The following ABCA13 variants were observed in gnomAD, a reference collection of about 807,000 sequenced individuals.
The protein encoded by ABCA13 is ATP binding cassette subfamily A member 13.
Under a neutral mutation model 478.7 loss-of-function variants are expected in ABCA13, and 476 were observed. The ratio of observed to expected loss-of-function variants is 0.99; its 90% CI spans 0.92 to 1.07. The LOEUF is 1.07. Among genes scored for constraint, ABCA13 ranks in the 50% least tolerant of loss-of-function variants. The pLI, the probability that ABCA13 is intolerant of heterozygous loss-of-function variation, is 0.00. For synonymous variants in ABCA13, 2,252 were observed against 2,158.9 expected (o/e 1.04, Z -1.20); for missense variants, 6,060 against 5,910.6 (o/e 1.03, Z -0.83).
chr7:48,210,912 G>A (rs912643462), intron 3 of ABCA13, among the ~76,000 whole-genome samples: 2 of 152,116 alleles, frequency 1.3e-5, no homozygotes, highest in African/African-American at 2.4e-5. Flanking sequence ...CTGTTTAAAT[G>A]ATCTGTTCAA....
chr7:48,473,396 C>T (rs1181152707), intron 45 of ABCA13, among the ~76,000 whole-genome samples: 1 of 152,206 alleles, frequency 6.6e-6, no homozygotes, highest in African/African-American at 2.4e-5. Context: ...AACTTGCTGA[C>T]TACACAGGAG....
At chr7:48,298,556 G>A in intron 23 of ABCA13, 69 bp downstream of exon 23, 3 of 1,525,698 alleles carry the variant, frequency 2.0e-6, no homozygotes, top group South Asian at 2.6e-5. Context: ...CACTGGCACT[G>A]TGTTGTCCTT....
At position 48,534,911 on chromosome 7, in the gene ABCA13, C is replaced by T. The variant is rs1256531718; in HGVS notation, c.14354+6566C>T. Among the ~76,000 whole-genome samples the T allele has an allele frequency of 2.6e-5, 4 of 152,024 alleles. No homozygotes were observed. In the East Asian group the frequency reaches 7.7e-4, roughly 29 times the overall value. On this transcript the variant is annotated intron_variant, in intron 55 of 61. Coordinates refer to ENST00000435803, the MANE Select transcript of ABCA13 (RefSeq NM_152701.5). Reference sequence around the variant, plus strand: ...ACACTGGAGATTTTTCCTTCCATGTCCTGTATTATATTTTTGATTTATGTA... The same window carrying T: ...ACACTGGAGATTTTTCCTTCCATGTTCTGTATTATATTTTTGATTTATGTA...
intron 15 of ABCA13, among the ~76,000 whole-genome samples, chr7:48,262,179 T>A (rs982584242): frequency 6.6e-6 from 1 of 151,976 alleles, no homozygotes; most frequent in Non-Finnish European, 1.5e-5. Flanking sequence ...TCCAGTAATG[T>A]TGTTACATCC....
At chr7:48,294,197 A>C (rs1799001971) in intron 20 of ABCA13, among the ~76,000 whole-genome samples, 1 of 152,240 alleles carries the variant, frequency 6.6e-6, no homozygotes, top group African/African-American at 2.4e-5. Flanking sequence ...CTGTCATCTC[A>C]GAGTTATCTT....
intron 7 of ABCA13, among the ~76,000 whole-genome samples, chr7:48,232,197 G>A (rs569173354): frequency 7.9e-5 from 9 of 114,466 alleles, no homozygotes; most frequent in African/African-American, 1.0e-4. Context: ...GCTCATTAAC[G>A]TTTAACTCCA....
chr7:48,272,328 A>T lies in ABCA13; in HGVS notation c.2662A>T (p.Asn888Tyr). ...HSDWPKSPAM[N>Y]IDFVRLSEAI... ...AGATTGGCCTAAATCACCAGCTATG[A>T]ACATAGATTTTGTACGTTTAAGTGA... Residue 888 changes from asparagine to tyrosine, a missense_variant, in exon 17 of 62, where the codon AAC becomes TAC. Coordinates refer to ENST00000435803, the MANE Select transcript of ABCA13 (RefSeq NM_152701.5). 6.2e-7 allele frequency: 1 copy of T among 1,613,726 alleles called. No homozygotes were observed. The highest frequency in any genetic ancestry group is 8.5e-7 in the Non-Finnish European group (1 of 1,179,742).
intron 58 of ABCA13, among the ~76,000 whole-genome samples, chr7:48,600,370 A>G (rs2131474041): frequency 6.6e-6 from 1 of 151,486 alleles, no homozygotes; most frequent in Non-Finnish European, 1.5e-5. Flanking sequence ...TCCCAATCTG[A>G]CAATGTCTGC....
intron 27 of ABCA13, among the ~76,000 whole-genome samples, chr7:48,334,141 T>C (rs979259564): frequency 2.0e-5 from 3 of 152,148 alleles, no homozygotes; most frequent in Admixed American, 6.5e-5. Flanking sequence ...GTGTGTGTAT[T>C]CTCTATTTGC....
At chr7:48,450,325 A>G (rs927988592) in intron 42 of ABCA13, among the ~76,000 whole-genome samples, 7 of 152,206 alleles carry the variant, frequency 4.6e-5, no homozygotes, top group African/African-American at 1.7e-4. Flanking sequence ...AGTCTTTACA[A>G]AGTAATTTAT....
chr7:48,172,797 C>CA lies in ABCA13; in HGVS notation c.69+1283dup, dbSNP rs36196847. Among the ~76,000 whole-genome samples the CA allele has an allele frequency of 3.9e-3, 295 of 75,542 alleles. 54 individuals are homozygous for CA. Among genetic ancestry groups the CA allele is most frequent in the African/African-American group, 0.014 (255 of 18,616 alleles). The allele number at this position is 75,542 out of a possible 152,430, so 49.6% of individuals were successfully genotyped here. On this transcript the variant is annotated intron_variant, in intron 1 of 61. Transcript: ENST00000435803. ...TGGGCGACAGAGCGAGACTCCGTCTCAAAAAAAAAAAAAAAAAAAAAAAAA... is the reference window on the plus strand; with the variant it reads ...TGGGCGACAGAGCGAGACTCCGTCTCAAAAAAAAAAAAAAAAAAAAAAAAAA...
At chr7:48,323,631 C>G (rs1440505203) in intron 27 of ABCA13, among the ~76,000 whole-genome samples, 1 of 152,148 alleles carries the variant, frequency 6.6e-6, no homozygotes, top group Non-Finnish European at 1.5e-5. Context: ...CATTCTATAG[C>G]TAGGAAAACC....
intron 42 of ABCA13, among the ~76,000 whole-genome samples, chr7:48,444,969 C>T (rs1348872330): frequency 6.6e-6 from 1 of 152,114 alleles, no homozygotes; most frequent in African/African-American, 2.4e-5. Context: ...GCATGCTCTA[C>T]ACTGCAGCCA....
intron 5 of ABCA13, 104 bp from the exon 6 acceptor site, chr7:48,227,158 G>A (rs1423619822): frequency 1.1e-5 from 12 of 1,097,018 alleles, no homozygotes; most frequent in Non-Finnish European, 1.6e-5. Context: ...GTTTCTACTA[G>A]GAGAATGTCT....
In ABCA13 at chr7:48,279,020, C is replaced by A. The variant is rs1796668007; in HGVS notation, c.7826C>A (p.Ser2609Ter). 6.2e-7 allele frequency: 1 copy of A among 1,613,304 alleles called. No homozygotes were observed. The highest frequency in any genetic ancestry group is 1.6e-4 in the Middle Eastern group (1 of 6,062). ...ATGATTGGGGTAGAACCTTATATAT[C>A]ATCAAACTCTGATATTTTCAGTATG... ...FEMIGVEPYI[S>*]SNSDIFSMSP... Residue 2609 changes from serine to a stop codon, truncating the protein, a stop_gained, in exon 18 of 62, where the codon TCA (serine) becomes TAA (stop). Coordinates refer to ENST00000435803, the MANE Select transcript of ABCA13 (RefSeq NM_152701.5). LOFTEE classifies it high-confidence loss of function.
intron 42 of ABCA13, among the ~76,000 whole-genome samples, chr7:48,433,591 C>T (rs1002734852): frequency 4.0e-5 from 6 of 151,686 alleles, no homozygotes; most frequent in Non-Finnish European, 8.8e-5. Flanking sequence ...TACGCACATT[C>T]ACATTATTGT....
chr7:48,574,350 T>A (rs1787961724), intron 55 of ABCA13, among the ~76,000 whole-genome samples: 1 of 152,186 alleles, frequency 6.6e-6, no homozygotes, highest in Admixed American at 6.5e-5. Flanking sequence ...CACTGTTCAA[T>A]GGCCCTGACT....
At position 48,273,074 on chromosome 7, in the gene ABCA13, T is replaced by C. The variant is rs768695025; in HGVS notation, c.3408T>C (p.Ser1136=). 2 of 1,613,696 alleles carry C rather than the reference T, an allele frequency of 1.2e-6. No homozygotes were observed. Among genetic ancestry groups the C allele is most frequent in the Non-Finnish European group, 1.7e-6 (2 of 1,179,748 alleles). Residue 1136 remains serine (S), a synonymous_variant, in exon 17 of 62, where the codon AGT becomes AGC. Transcript: ENST00000435803. ...QIFSNLSANV[S]VFNKFMSIHC... ...TTTCAAACCTCTCAGCAAATGTCAGTGTGTTCAACAAGTTTATGTCCATTC... is the reference window on the plus strand; with the variant it reads ...TTTCAAACCTCTCAGCAAATGTCAGCGTGTTCAACAAGTTTATGTCCATTC...
intron 31 of ABCA13, among the ~76,000 whole-genome samples, chr7:48,366,682 A>G (rs1449818471): frequency 6.6e-6 from 1 of 152,116 alleles, no homozygotes; most frequent in Admixed American, 6.6e-5. Flanking sequence ...AGCTATCTCA[A>G]GTACCTGGAA....
Sources: gnomAD v4.1 joint callset for allele counts (sites outside exome capture counted in the v4.1 genomes callset) on GRCh38, gnomAD v4.1.1 for gene constraint, MANE v1.5 for transcripts, NCBI Gene and HGNC (gene_info 2026-07-23, HGNC 2026-07-21) for gene names.